ZHX2: variants seen among roughly 807,000 people sequenced by gnomAD.
ZHX2 encodes zinc fingers and homeoboxes 2.
A neutral mutation model predicts 21.9 loss-of-function variants in ZHX2; 6 were observed. The ratio of observed to expected loss-of-function variants is 0.27; its 90% CI spans 0.15 to 0.54. The LOEUF (loss-of-function observed/expected upper bound fraction) is 0.54. Among genes scored for constraint, ZHX2 ranks in the 20% least tolerant of loss-of-function variants. The probability of loss-of-function intolerance (pLI) is 0.95; values close to 1 mark genes in which losing one functional copy is unlikely to be tolerated. For synonymous variants in ZHX2, 434 were observed against 437.1 expected, an observed-to-expected ratio of 0.99 and a Z score of 0.09; for missense variants, 908 against 1,090.7, an observed-to-expected ratio of 0.83 and a Z score of 2.36.
rs181895930 is a variant in ZHX2 at position 122,828,204 on chromosome 8, G to A, written c.-282-35273G>A. Among the ~76,000 whole-genome samples the A allele has an allele frequency of 1.3e-5, 2 of 152,316 alleles. No individual in the cohort carries two copies. Among genetic ancestry groups the A allele is most frequent in the East Asian group, 1.9e-4 (1 of 5,184 alleles). On this transcript the variant is annotated intron_variant, in intron 1 of 3. Coordinates refer to ENST00000314393, the MANE Select transcript of ZHX2 (RefSeq NM_014943.5). This position sits in a 1 kb window ranked among gnomAD's most constrained non-coding sequence, Gnocchi z 5.2. Reference sequence around the variant, plus strand: ...CCAGGAGAGCAGAGGCGAGTGCAGCGTATATGGAACAAAAGCACCCCTGTG... The same window carrying A: ...CCAGGAGAGCAGAGGCGAGTGCAGCATATATGGAACAAAAGCACCCCTGTG...
At chr8:122,816,205 G>A (rs563146309) in intron 1 of ZHX2, among the ~76,000 whole-genome samples, 1 of 152,174 alleles carries the variant, frequency 6.6e-6, no homozygotes, top group South Asian at 2.1e-4. Flanking sequence ...TAAAGGGGCA[G>A]ATGATTATTA....
At chr8:122,868,405 T>G (rs1010403279) in intron 2 of ZHX2, among the ~76,000 whole-genome samples, 2 of 152,078 alleles carry the variant, frequency 1.3e-5, no homozygotes, top group African/African-American at 4.8e-5. Context: ...CTCAGCACTT[T>G]GGGAGGCTGA....
At chr8:122,941,474 T>C (rs1474131727) in intron 2 of ZHX2, among the ~76,000 whole-genome samples, 2 of 152,220 alleles carry the variant, frequency 1.3e-5, no homozygotes, top group African/African-American at 2.4e-5. Flanking sequence ...TAAAGATGTT[T>C]TATGCTATGT....
At chr8:122,970,495 T>C (rs1813693884) in intron 3 of ZHX2, among the ~76,000 whole-genome samples, 1 of 152,098 alleles carries the variant, frequency 6.6e-6, no homozygotes, top group Non-Finnish European at 1.5e-5. Context: ...GGAGGTTAAG[T>C]AACCAACCTC....
In ZHX2 at chr8:122,799,677, G is replaced by T. The variant is rs117647078; in HGVS notation, c.-283+17731G>T. ...GATAATCCATGGAGGAAGGCTGAGG[G>T]CTCAGCCTCTGTGACTGAGGAGCTC... On this transcript the variant is annotated intron_variant, in intron 1 of 3. Coordinates refer to ENST00000314393, the MANE Select transcript of ZHX2 (RefSeq NM_014943.5). 3.0e-4 allele frequency among the ~76,000 whole-genome samples: 46 copies of T among 152,244 alleles called. 1 individual carries two copies. In the East Asian group the frequency reaches 7.4e-3, roughly 24 times the overall value.
chr8:122,827,214 C>T (rs921072449), intron 1 of ZHX2, among the ~76,000 whole-genome samples: 1 of 151,964 alleles, frequency 6.6e-6, no homozygotes, highest in Non-Finnish European at 1.5e-5. Flanking sequence ...TTTGTTTTCT[C>T]CCCTGTAGAA....
At chr8:122,878,359 T>C (rs73333651) in intron 2 of ZHX2, among the ~76,000 whole-genome samples, 7,995 of 152,244 alleles carry the variant, frequency 0.053, 661 homozygotes, top group African/African-American at 0.18. Flanking sequence ...TCAGTTTGGG[T>C]TGGGCCTGCT....
At chr8:122,941,190 G>A (rs1812835588) in intron 2 of ZHX2, among the ~76,000 whole-genome samples, 1 of 152,088 alleles carries the variant, frequency 6.6e-6, no homozygotes, top group Admixed American at 6.5e-5. Context: ...AGGTTGCAGT[G>A]AGCTATGATC....
chr8:122,832,271 C>T (rs1563746414), intron 1 of ZHX2, among the ~76,000 whole-genome samples: 1 of 152,114 alleles, frequency 6.6e-6, no homozygotes, highest in South Asian at 2.1e-4. Context: ...GGTGAGCTAG[C>T]TTGTCTTTGA....
intron 2 of ZHX2, among the ~76,000 whole-genome samples, chr8:122,915,353 G>T (rs1009693558): frequency 6.6e-6 from 1 of 152,174 alleles, no homozygotes; most frequent in Non-Finnish European, 1.5e-5. Flanking sequence ...CCATCCTGCA[G>T]CTGCTCCCTC....
At chr8:122,958,381 G>T (rs370317579) in intron 3 of ZHX2, among the ~76,000 whole-genome samples, 3 of 152,142 alleles carry the variant, frequency 2.0e-5, no homozygotes, top group East Asian at 3.8e-4. Context: ...TATTTTTTCA[G>T]AAAAATGAGT....
At chr8:122,923,601 A>G (rs1349891324) in intron 2 of ZHX2, among the ~76,000 whole-genome samples, 1 of 152,096 alleles carries the variant, frequency 6.6e-6, no homozygotes, top group Admixed American at 6.5e-5. Context: ...ATTTGCAACC[A>G]CCTTTAATCT....
At chr8:122,915,958 C>T (rs1259118933) in intron 2 of ZHX2, among the ~76,000 whole-genome samples, 1 of 152,174 alleles carries the variant, frequency 6.6e-6, no homozygotes, top group African/African-American at 2.4e-5. Context: ...GGCTGTCTTC[C>T]TCCCCCTTCC....
At chr8:122,800,188 T>G (rs953956317) in intron 1 of ZHX2, among the ~76,000 whole-genome samples, 8 of 152,196 alleles carry the variant, frequency 5.3e-5, no homozygotes, top group African/African-American at 9.6e-5. Context: ...AAATGCTTTT[T>G]GCTCCCTCCT....
At chr8:122,869,443 T>A (rs1335594070) in intron 2 of ZHX2, among the ~76,000 whole-genome samples, 1 of 152,070 alleles carries the variant, frequency 6.6e-6, no homozygotes, top group East Asian at 1.9e-4. Context: ...TTCTCCTGCC[T>A]CAGCTTCCCA....
chr8:122,893,337 C>T (rs1820025827), intron 2 of ZHX2, among the ~76,000 whole-genome samples: 1 of 152,114 alleles, frequency 6.6e-6, no homozygotes, highest in South Asian at 2.1e-4. Flanking sequence ...CTTTGAAATT[C>T]CTAGATCTGG....
chr8:122,858,138 T>C (rs1819073221), intron 1 of ZHX2, among the ~76,000 whole-genome samples: 1 of 152,188 alleles, frequency 6.6e-6, no homozygotes, highest in Non-Finnish European at 1.5e-5. Context: ...AGCTTGACCT[T>C]GCTCTTATTT....
At position 122,886,404 on chromosome 8, in the gene ZHX2, A is replaced by G. The variant is rs531802653; in HGVS notation, c.-220+22865A>G. Among the ~76,000 whole-genome samples, 5 of 152,328 alleles carry G rather than the reference A, an allele frequency of 3.3e-5. No individual in the cohort carries two copies. In the East Asian group the frequency reaches 5.8e-4, roughly 18 times the overall value. On this transcript the variant is annotated intron_variant, in intron 2 of 3. Transcript: ENST00000314393. The stretch of plus-strand genomic sequence containing the variant: ...GATACTGTCATGGTAGATACAGGAC[A>G]CTATGCATTTGTCAAAACCCATAGA...
chr8:122,934,794 T>G (rs1812637875), intron 2 of ZHX2, among the ~76,000 whole-genome samples: 1 of 151,384 alleles, frequency 6.6e-6, no homozygotes, highest in Non-Finnish European at 1.5e-5. Context: ...GTTCAAGCAA[T>G]TCTCCTGTCT....
Sources: allele counts gnomAD v4.1 joint callset (sites outside exome capture counted in the v4.1 genomes callset), GRCh38; gene constraint gnomAD v4.1.1; non-coding constraint Gnocchi (gnomAD v3.1); transcripts MANE v1.5; gene names NCBI Gene and HGNC (gene_info 2026-07-23, HGNC 2026-07-21).